Variants in ANXA4 observed in about 807,000 individuals in gnomAD.
The protein encoded by ANXA4 is 35-beta calcimedin.
A neutral mutation model predicts 49.8 loss-of-function variants in ANXA4; 39 were observed. The ratio of observed to expected loss-of-function variants is 0.78; its 90% CI spans 0.61 to 1.02. The LOEUF (loss-of-function observed/expected upper bound fraction) is 1.02, where lower values mean the gene tolerates loss of function less well. Ranked by LOEUF, ANXA4 falls within the 50% of genes least tolerant of loss-of-function variation. The pLI is 0.00. For synonymous variants in ANXA4, 134 were observed against 152.5 expected (o/e 0.88, Z 0.89); for missense variants, 360 against 410.1 (o/e 0.88, Z 1.05).
At chr2:69,787,472 A>ACATT (rs1559194351) in intron 2 of ANXA4, among the ~76,000 whole-genome samples, 1 of 152,200 alleles carries the variant, frequency 6.6e-6, no homozygotes, top group African/African-American at 2.4e-5. Flanking sequence ...GTGTGGTTTA[A>ACATT]CATTCTCCTT....
chr2:69,787,851 G>T (rs1470057648), intron 2 of ANXA4, among the ~76,000 whole-genome samples: 1 of 152,182 alleles, frequency 6.6e-6, no homozygotes, highest in African/African-American at 2.4e-5. Context: ...GTGAATTGTT[G>T]GCTTGTTTAC....
intron 3 of ANXA4, among the ~76,000 whole-genome samples, chr2:69,793,547 C>A (rs750611601): frequency 7.0e-4 from 107 of 151,976 alleles, no homozygotes; most frequent in Non-Finnish European, 1.4e-3. Context: ...AGAAGAAGAT[C>A]CAGCAGTTAT....
At chr2:69,669,475 G>A (rs1677076452) in intron 2 of ANXA4, among the ~76,000 whole-genome samples, 1 of 151,624 alleles carries the variant, frequency 6.6e-6, no homozygotes, top group South Asian at 2.1e-4. Context: ...GCCAGGCATG[G>A]TAGTACACAC....
chr2:69,823,540 G>A (rs372363871), intron 12 of ANXA4, among the ~76,000 whole-genome samples: 8 of 151,684 alleles, frequency 5.3e-5, no homozygotes, highest in Admixed American at 2.0e-4. Flanking sequence ...GAAAGAAAGC[G>A]GACATACAAG....
At chr2:69,647,387 A>ATTTT (rs754846616) in intron 1 of ANXA4, among the ~76,000 whole-genome samples, 5 of 121,724 alleles carry the variant, frequency 4.1e-5, no homozygotes, top group East Asian at 2.6e-4. Flanking sequence ...TTTTATTTTT[A>ATTTT]TTTTATTTAT....
intron 2 of ANXA4, among the ~76,000 whole-genome samples, chr2:69,672,497 G>T (rs535985049): frequency 6.6e-6 from 1 of 152,100 alleles, no homozygotes; most frequent in Non-Finnish European, 1.5e-5. Context: ...CCCCCAAAGT[G>T]CTGGAATTAC....
At chr2:69,666,312 T>TCAATTAC (rs1676932375) in intron 2 of ANXA4, among the ~76,000 whole-genome samples, 1 of 152,132 alleles carries the variant, frequency 6.6e-6, no homozygotes, top group South Asian at 2.1e-4. Flanking sequence ...GCCATTGGGG[T>TCAATTAC]AGCTGTAATT....
intron 2 of ANXA4, among the ~76,000 whole-genome samples, chr2:69,697,143 A>T (rs1445140501): frequency 6.6e-6 from 1 of 152,122 alleles, no homozygotes; most frequent in East Asian, 1.9e-4. Flanking sequence ...CTCCATCGAA[A>T]ATCTATTGTT....
intron 2 of ANXA4, among the ~76,000 whole-genome samples, chr2:69,661,688 C>G (rs963695026): frequency 1.3e-5 from 2 of 152,076 alleles, no homozygotes; most frequent in Non-Finnish European, 2.9e-5. Flanking sequence ...AGAAAGCTGA[C>G]TTTCAAACCA....
At chr2:69,675,957 A>G (rs1466140246) in intron 2 of ANXA4, among the ~76,000 whole-genome samples, 1 of 151,316 alleles carries the variant, frequency 6.6e-6, no homozygotes, top group Non-Finnish European at 1.5e-5. Context: ...CAGTGAGCCG[A>G]GATTGTGCCA....
intron 1 of ANXA4, among the ~76,000 whole-genome samples, chr2:69,651,349 G>A (rs747621566): frequency 3.3e-5 from 5 of 152,016 alleles, no homozygotes; most frequent in Non-Finnish European, 5.9e-5. Flanking sequence ...CCACCCTAGG[G>A]GACAGAGCAA....
chr2:69,683,383 T>TTA (rs757256450), intron 2 of ANXA4, among the ~76,000 whole-genome samples: 4 of 152,192 alleles, frequency 2.6e-5, no homozygotes, highest in Non-Finnish European at 4.4e-5. Flanking sequence ...TGAGTGATGT[T>TTA]TACTGGAAAT....
At chr2:69,766,236 T>C (rs1038216891) in intron 1 of ANXA4, among the ~76,000 whole-genome samples, 4 of 152,196 alleles carry the variant, frequency 2.6e-5, no homozygotes, top group Non-Finnish European at 5.9e-5. Context: ...CTTAAACAGC[T>C]CACTAAACAG....
intron 2 of ANXA4, among the ~76,000 whole-genome samples, chr2:69,675,998 C>T (rs1677398923): frequency 6.8e-6 from 1 of 146,786 alleles, no homozygotes; most frequent in Non-Finnish European, 1.5e-5. Flanking sequence ...CAGAGCAAGA[C>T]TCTGTCTCAA....
intron 12 of ANXA4, among the ~76,000 whole-genome samples, chr2:69,821,534 A>G (rs926609574): frequency 6.6e-6 from 1 of 151,964 alleles, no homozygotes; most frequent in African/African-American, 2.4e-5. Context: ...TAGTGGCGCA[A>G]TCTCCACTCA....
At chr2:69,656,367 GTGTATATATGTGTATATATA>G (rs1676483381) in intron 2 of ANXA4, among the ~76,000 whole-genome samples, 1 of 125,098 alleles carries the variant, frequency 8.0e-6, no homozygotes, top group African/African-American at 3.5e-5. Context: ...GTATATATAT[GTGTATATATGTGTATATATA>G]TGTGTATATA....
chr2:69,764,296 C>T (rs546313719), intron 1 of ANXA4, among the ~76,000 whole-genome samples: 2 of 152,280 alleles, frequency 1.3e-5, no homozygotes, highest in East Asian at 1.9e-4. Context: ...TGAAATTAAG[C>T]GATCTTTCAT....
At chr2:69,644,061 A>G (rs1192377489), upstream of ANXA4, 1 of 222,948 alleles carries the variant, frequency 4.5e-6, no homozygotes, top group Non-Finnish European at 7.7e-6. Context: ...GCGAGGCGGC[A>G]GCCGTGTGGC....
intron 2 of ANXA4, among the ~76,000 whole-genome samples, chr2:69,712,223 C>T (rs1678699686): frequency 6.6e-6 from 1 of 152,136 alleles, no homozygotes; most frequent in South Asian, 2.1e-4. Flanking sequence ...ACCCCTCACA[C>T]TAAAATAAAA....
Sources: gnomAD v4.1 joint callset for allele counts (sites outside exome capture counted in the v4.1 genomes callset) on GRCh38, gnomAD v4.1.1 for gene constraint, MANE v1.5 for transcripts, NCBI Gene and HGNC (gene_info 2026-07-23, HGNC 2026-07-21) for gene names.